PTPRT: variants seen among roughly 807,000 people sequenced by gnomAD.
PTPRT encodes the protein receptor-type tyrosine-protein phosphatase T.
A neutral mutation model predicts 176.8 loss-of-function variants in PTPRT; 56 were observed. That is an observed-to-expected ratio of 0.32 (90% CI 0.26 to 0.40). The LOEUF (loss-of-function observed/expected upper bound fraction) is 0.40, where lower values mean the gene tolerates loss of function less well. Among genes scored for constraint, PTPRT ranks in the 10% least tolerant of loss-of-function variants. The probability of loss-of-function intolerance (pLI) is 1.00; values close to 1 mark genes in which losing one functional copy is unlikely to be tolerated. For synonymous variants in PTPRT, 783 were observed against 739.0 expected (o/e 1.06, Z -0.96); for missense variants, 1,540 against 1,908.2 (o/e 0.81, Z 3.60).
intron 9 of PTPRT, among the ~76,000 whole-genome samples, chr20:42,442,063 T>C (rs142940548): frequency 3.0e-4 from 45 of 152,134 alleles, no homozygotes; most frequent in African/African-American, 9.6e-4. Context: ...GAGCCCTGAG[T>C]GGTCAGTGCA....
At chr20:42,374,550 A>G (rs892255092) in intron 9 of PTPRT, among the ~76,000 whole-genome samples, 10 of 152,250 alleles carry the variant, frequency 6.6e-5, no homozygotes, top group Non-Finnish European at 8.8e-5. Context: ...GAGAACGTCA[A>G]TATTTTCAAA....
chr20:42,064,833 G>C, the PTPRT span, among the ~76,000 whole-genome samples: 1 of 152,314 alleles, frequency 6.6e-6, no homozygotes, highest in East Asian at 1.9e-4. Flanking sequence ...GCTGACCTCA[G>C]TGAATCCTTT....
At chr20:42,510,996 T>C (rs1466048928) in intron 7 of PTPRT, among the ~76,000 whole-genome samples, 5 of 151,996 alleles carry the variant, frequency 3.3e-5, no homozygotes, top group African/African-American at 1.2e-4. Flanking sequence ...GATTAATCCA[T>C]TCATGGATTG....
At chr20:42,256,792 A>C (rs2056649513) in intron 13 of PTPRT, among the ~76,000 whole-genome samples, 1 of 152,086 alleles carries the variant, frequency 6.6e-6, no homozygotes. Context: ...GGAAGCCACT[A>C]CCCAGCCCAG....
chr20:42,591,071 C>T lies in PTPRT; in HGVS notation c.1153+86795G>A, dbSNP rs1303843776. Among the ~76,000 whole-genome samples the T allele has an allele frequency of 5.9e-4, 89 of 150,294 alleles. 1 individual carries two copies. The highest frequency in any genetic ancestry group is 1.5e-4 in the Non-Finnish European group (10 of 67,680). On this transcript the variant is annotated intron_variant, in intron 7 of 30. Coordinates refer to ENST00000373187, the MANE Select transcript of PTPRT (RefSeq NM_007050.6). The stretch of plus-strand genomic sequence containing the variant: ...TCCAAATGGGTCAAGATTTTAAATG[C>T]AAAAAGAAATCCCAATCCACTGAAA...
intron 18 of PTPRT, among the ~76,000 whole-genome samples, chr20:42,141,666 G>C (rs534435233): frequency 1.3e-5 from 2 of 152,270 alleles, no homozygotes; most frequent in African/African-American, 4.8e-5. Flanking sequence ...TCCCCAAGAG[G>C]CTTCATGGTT....
chr20:42,475,629 ATAC>A (rs1271081232), intron 7 of PTPRT, among the ~76,000 whole-genome samples: 1 of 152,142 alleles, frequency 6.6e-6, no homozygotes, highest in Non-Finnish European at 1.5e-5. Flanking sequence ...GAAAGCCAAA[ATAC>A]TACAAGGCAA....
At chr20:42,600,803 C>T (rs1405008054) in intron 7 of PTPRT, among the ~76,000 whole-genome samples, 4 of 152,188 alleles carry the variant, frequency 2.6e-5, no homozygotes, top group Admixed American at 6.5e-5. Context: ...CTTTTATGGC[C>T]GAATAGAGTT....
chr20:42,097,585 T>G (rs577348874), intron 27 of PTPRT, among the ~76,000 whole-genome samples: 2 of 152,340 alleles, frequency 1.3e-5, no homozygotes, highest in Non-Finnish European at 1.5e-5. Flanking sequence ...TGGGACAATG[T>G]GCTCATCTGT....
intron 21 of PTPRT, among the ~76,000 whole-genome samples, 156 bp downstream of exon 21, chr20:42,118,247 C>T (rs1161542451): frequency 6.6e-6 from 1 of 152,108 alleles, no homozygotes; most frequent in Non-Finnish European, 1.5e-5. Context: ...AAGGACATTG[C>T]TTGAATGTGG....
rs767284742 is a variant in PTPRT, at chr20:42,161,373, G to A, written c.2661C>T (p.Tyr887=). The A allele has an allele frequency of 8.8e-5, 142 of 1,613,960 alleles. No homozygotes were observed. The highest frequency in any genetic ancestry group is 1.8e-4 in the Admixed American group (11 of 59,996). ...TTACCTCGTATTCCTCCTTGAACCC[G>A]TAGCCCTGGCCTCTCTTCATCTGCG... is the stretch of plus-strand genomic sequence containing the variant. ...HITQMKRGQG[Y]GFKEEYEALP... Residue 887 remains tyrosine (Y), a synonymous_variant, in exon 17 of 31, where the codon TAC becomes TAT. Transcript: ENST00000373187.
chr20:42,597,849 G>T (rs767073010), intron 7 of PTPRT, among the ~76,000 whole-genome samples: 1 of 152,090 alleles, frequency 6.6e-6, no homozygotes, highest in African/African-American at 2.4e-5. Flanking sequence ...CCAAAGGGAG[G>T]GGATTAAAGA....
chr20:42,441,589 A>G (rs2059316273), intron 9 of PTPRT, among the ~76,000 whole-genome samples: 1 of 152,216 alleles, frequency 6.6e-6, no homozygotes, highest in African/African-American at 2.4e-5. Flanking sequence ...CATATGGAAC[A>G]GGTGAAGTGT....
intron 9 of PTPRT, among the ~76,000 whole-genome samples, chr20:42,437,528 T>C (rs2059272963): frequency 6.6e-6 from 1 of 152,200 alleles, no homozygotes; most frequent in Non-Finnish European, 1.5e-5. Flanking sequence ...CTTTATGCCA[T>C]CTTGAAGGAC....
At chr20:42,345,777 T>C (rs2058186001) in intron 11 of PTPRT, among the ~76,000 whole-genome samples, 1 of 151,656 alleles carries the variant, frequency 6.6e-6, no homozygotes, top group Non-Finnish European at 1.5e-5. Flanking sequence ...ATAACACAAT[T>C]AAAGGCTCAG....
chr20:42,316,348 G>C (rs562402709), intron 11 of PTPRT, among the ~76,000 whole-genome samples: 1 of 152,060 alleles, frequency 6.6e-6, no homozygotes, highest in Non-Finnish European at 1.5e-5. Context: ...TAACTCCTTC[G>C]TTCTCACTCC....
At chr20:43,008,435 C>A (rs1984962614) in intron 1 of PTPRT, among the ~76,000 whole-genome samples, 1 of 152,160 alleles carries the variant, frequency 6.6e-6, no homozygotes, top group Non-Finnish European at 1.5e-5. Flanking sequence ...CAACTGTAAT[C>A]CCAGCACTTT....
chr20:42,697,259 A>C (rs1348881558), intron 6 of PTPRT, among the ~76,000 whole-genome samples: 1 of 152,240 alleles, frequency 6.6e-6, no homozygotes, highest in Non-Finnish European at 1.5e-5. Flanking sequence ...AATCTGTTTC[A>C]GATAAACATA....
intron 15 of PTPRT, among the ~76,000 whole-genome samples, chr20:42,227,145 T>G (rs931588770): frequency 3.3e-5 from 5 of 150,704 alleles, no homozygotes; most frequent in African/African-American, 4.9e-5. Flanking sequence ...TTGGGGAAGC[T>G]TCACCTGTAG....
Sources: gnomAD v4.1 joint callset for allele counts (sites outside exome capture counted in the v4.1 genomes callset) on GRCh38, gnomAD v4.1.1 for gene constraint, MANE v1.5 for transcripts, NCBI Gene and HGNC (gene_info 2026-07-23, HGNC 2026-07-21) for gene names.